The following GNA12 variants were observed in gnomAD, a reference collection of about 807,000 sequenced individuals.
GNA12 encodes guanine nucleotide-binding protein subunit alpha-12.
Under a neutral mutation model 26.0 loss-of-function variants are expected in GNA12, and 9 were observed. That is an observed-to-expected ratio of 0.35 (90% confidence interval 0.21 to 0.60). The LOEUF is 0.60. Ranked by LOEUF, GNA12 falls within the 20% of genes least tolerant of loss-of-function variation. The pLI is 0.78. For synonymous variants in GNA12, 264 were observed against 219.6 expected (o/e 1.20, Z -1.79); for missense variants, 405 against 525.8 (o/e 0.77, Z 2.25).
intron 1 of GNA12, among the ~76,000 whole-genome samples, chr7:2,838,330 G>A (rs901741704): frequency 2.0e-5 from 3 of 150,368 alleles, no homozygotes; most frequent in Non-Finnish European, 2.9e-5. Context: ...CTATAATCTC[G>A]GCACTTTGGC....
At chr7:2,781,220 T>C (rs1486451912) in intron 2 of GNA12, among the ~76,000 whole-genome samples, 3 of 152,230 alleles carry the variant, frequency 2.0e-5, no homozygotes, top group Non-Finnish European at 2.9e-5. Flanking sequence ...CTTAATTTTA[T>C]GGGAGTCAAA....
chr7:2,798,095 C>T (rs1231666782), intron 1 of GNA12, among the ~76,000 whole-genome samples: 2 of 152,136 alleles, frequency 1.3e-5, no homozygotes, highest in African/African-American at 4.8e-5. Flanking sequence ...ACAAAGATGC[C>T]TACTTCTGCT....
At chr7:2,787,351 C>T (rs1792388053) in intron 2 of GNA12, among the ~76,000 whole-genome samples, 2 of 152,202 alleles carry the variant, frequency 1.3e-5, no homozygotes, top group Admixed American at 1.3e-4. Flanking sequence ...CACAGCACGC[C>T]TCTGACCAAT....
At position 2,844,230 on chromosome 7, in the gene GNA12, A is replaced by G; in HGVS notation, c.-69T>C. 1 of 799,770 alleles carries G rather than the reference A, an allele frequency of 1.3e-6. No individual in the cohort carries two copies. The highest frequency in any genetic ancestry group is 1.5e-6 in the Non-Finnish European group (1 of 663,300). The allele number at this position is 799,770 out of a possible 1,614,324, so 49.5% of individuals were successfully genotyped here. A position where few individuals can be genotyped will look rare whatever the true frequency, so the allele number is the denominator to read the frequency against. On this transcript the variant is annotated 5_prime_UTR_variant, in exon 1 of 4. Transcript: ENST00000275364. ...ATGGACGCTCCCGCCGGCGAGGGCG[A>G]GCCCGGGCCGAGGCACCGCCCCACG...
chr7:2,772,063 C>T (rs994612235), intron 2 of GNA12, among the ~76,000 whole-genome samples: 41 of 152,352 alleles, frequency 2.7e-4, no homozygotes, highest in African/African-American at 8.7e-4. Flanking sequence ...TTATTTGCTT[C>T]AGGAATCTCT....
intron 2 of GNA12, among the ~76,000 whole-genome samples, chr7:2,734,235 C>T (rs112489775): frequency 5.3e-5 from 8 of 152,234 alleles, no homozygotes; most frequent in African/African-American, 1.7e-4. Flanking sequence ...CGGGAGGAGC[C>T]GGGAGAGCGC....
intron 1 of GNA12, among the ~76,000 whole-genome samples, chr7:2,842,035 GAAAA>G (rs1779004621): frequency 7.7e-6 from 1 of 130,268 alleles, no homozygotes; most frequent in African/African-American, 2.7e-5. Flanking sequence ...GAGGAAGGAA[GAAAA>G]GAAAAAAGGA....
intron 2 of GNA12, among the ~76,000 whole-genome samples, chr7:2,737,569 G>C (rs1012803446): frequency 1.3e-5 from 2 of 152,124 alleles, no homozygotes; most frequent in Non-Finnish European, 2.9e-5. Flanking sequence ...GATTACAGGC[G>C]TGAGCCACAG....
chr7:2,825,428 GC>G (rs5881938), intron 1 of GNA12, among the ~76,000 whole-genome samples: 16,688 of 152,264 alleles, frequency 0.11, 1,015 homozygotes, highest in Middle Eastern at 0.2. Flanking sequence ...CAGCATGTGC[GC>G]CCCCAGCAGT....
At chr7:2,806,084 A>T (rs192926703) in intron 1 of GNA12, among the ~76,000 whole-genome samples, 2 of 152,358 alleles carry the variant, frequency 1.3e-5, no homozygotes, top group African/African-American at 4.8e-5. Flanking sequence ...CTTTCTCCTT[A>T]ATGTGGCTAC....
At chr7:2,751,731 C>T (rs1159831530) in intron 2 of GNA12, among the ~76,000 whole-genome samples, 1 of 152,192 alleles carries the variant, frequency 6.6e-6, no homozygotes, top group Admixed American at 6.5e-5. Context: ...ATGTTCCAAA[C>T]AACTTTATGC....
chr7:2,811,859 T>A (rs1793089119), intron 1 of GNA12, among the ~76,000 whole-genome samples: 1 of 152,244 alleles, frequency 6.6e-6, no homozygotes, highest in Non-Finnish European at 1.5e-5. Flanking sequence ...GACACCAGTG[T>A]CTACTTCTCA....
In GNA12 at chr7:2,767,317, C is replaced by G. The variant is rs1791832480; in HGVS notation, c.525+27611G>C. ...ATACCCAAGAAATCACTGCTAAATC[C>G]AGTATCTTGAAGCTTTCCCTCTATG... On this transcript the variant is annotated intron_variant, in intron 2 of 3. Transcript: ENST00000275364. Among the ~76,000 whole-genome samples the G allele has an allele frequency of 2.0e-5, 3 of 152,150 alleles. No homozygotes were observed. The South Asian group carries it at 6.2e-4, about 32-fold the overall frequency.
At chr7:2,838,146 A>C (rs1778891817) in intron 1 of GNA12, among the ~76,000 whole-genome samples, 1 of 152,130 alleles carries the variant, frequency 6.6e-6, no homozygotes, top group Non-Finnish European at 1.5e-5. Context: ...ATACTTAAAA[A>C]AAAAAATCAA....
At chr7:2,735,604 C>G (rs1384406681) in intron 2 of GNA12, among the ~76,000 whole-genome samples, 1 of 152,204 alleles carries the variant, frequency 6.6e-6, no homozygotes, top group African/African-American at 2.4e-5. Context: ...ATCAGTCCCC[C>G]AGCTGCACTT....
At chr7:2,822,185 T>C (rs1276458269) in intron 1 of GNA12, among the ~76,000 whole-genome samples, 2 of 152,236 alleles carry the variant, frequency 1.3e-5, no homozygotes, top group East Asian at 3.8e-4. Context: ...CTGAAGCTTC[T>C]GTGGGAAGCT....
At chr7:2,791,722 C>CT (rs1452684328) in intron 2 of GNA12, among the ~76,000 whole-genome samples, 3 of 151,848 alleles carry the variant, frequency 2.0e-5, no homozygotes, top group Non-Finnish European at 4.4e-5. Flanking sequence ...CAAGGGTCTA[C>CT]TGCAGGGGTG....
At chr7:2,742,539 A>T (rs1457977351) in intron 2 of GNA12, among the ~76,000 whole-genome samples, 1 of 152,154 alleles carries the variant, frequency 6.6e-6, no homozygotes, top group Non-Finnish European at 1.5e-5. Context: ...AGGGGCTGTA[A>T]TTCATCTCTG....
chr7:2,823,060 T>C (rs187625009), intron 1 of GNA12, among the ~76,000 whole-genome samples: 2 of 152,324 alleles, frequency 1.3e-5, no homozygotes, highest in South Asian at 2.1e-4. Flanking sequence ...TCTGATGGCC[T>C]TGAAGAAAGT....
Sources: gnomAD v4.1 joint callset for allele counts (sites outside exome capture counted in the v4.1 genomes callset) on GRCh38, gnomAD v4.1.1 for gene constraint, MANE v1.5 for transcripts, NCBI Gene and HGNC (gene_info 2026-07-23, HGNC 2026-07-21) for gene names.